Variants in CDH18 observed in about 807,000 individuals in gnomAD.
CDH18 encodes the protein cadherin 18.
A neutral mutation model predicts 67.9 loss-of-function variants in CDH18; 31 were observed. The ratio of observed to expected loss-of-function variants is 0.46; its 90% CI spans 0.34 to 0.62. The LOEUF is 0.62. Among genes scored for constraint, CDH18 ranks in the 20% least tolerant of loss-of-function variants. The pLI, the probability that CDH18 is intolerant of heterozygous loss-of-function variation, is 0.01. For missense variants in CDH18, 890 were observed against 975.5 expected, an observed-to-expected ratio of 0.91 and a Z score of 1.17; for synonymous variants, 362 against 347.2, an observed-to-expected ratio of 1.04 and a Z score of -0.48.
At chr5:19,524,846 C>T (rs991081187) in intron 9 of CDH18, among the ~76,000 whole-genome samples, 9 of 152,020 alleles carry the variant, frequency 5.9e-5, no homozygotes, top group Non-Finnish European at 1.0e-4. Flanking sequence ...CCCGGGTTCA[C>T]GCCATTCTCC....
At chr5:19,736,078 G>C (rs1480373876) in intron 4 of CDH18, among the ~76,000 whole-genome samples, 1 of 152,132 alleles carries the variant, frequency 6.6e-6, no homozygotes, top group Non-Finnish European at 1.5e-5. Flanking sequence ...ATTTAAGTTG[G>C]TATCTCTGAA....
intron 2 of CDH18, among the ~76,000 whole-genome samples, chr5:20,073,416 G>T (rs1258279420): frequency 6.6e-6 from 1 of 151,912 alleles, no homozygotes; most frequent in Non-Finnish European, 1.5e-5. Flanking sequence ...GTGCATTCAA[G>T]TCCAGTAGAA....
intron 11 of CDH18, among the ~76,000 whole-genome samples, chr5:19,485,643 T>G (rs1740277525): frequency 6.6e-6 from 1 of 152,208 alleles, no homozygotes; most frequent in African/African-American, 2.4e-5. Context: ...TCAGTCATGT[T>G]TACTCTCCCA....
At chr5:19,676,830 G>A (rs770118794) in intron 5 of CDH18, among the ~76,000 whole-genome samples, 1 of 152,048 alleles carries the variant, frequency 6.6e-6, no homozygotes, top group African/African-American at 2.4e-5. Flanking sequence ...AGCCTATAGA[G>A]TCCTAGGATC....
At chr5:19,850,404 G>T (rs1424155801) in intron 2 of CDH18, among the ~76,000 whole-genome samples, 3 of 151,766 alleles carry the variant, frequency 2.0e-5, no homozygotes, top group Non-Finnish European at 4.4e-5. Flanking sequence ...AATGTTTAGG[G>T]TAGATGTGAT....
intron 1 of CDH18, among the ~76,000 whole-genome samples, chr5:20,388,935 G>GT (rs928050198): frequency 1.3e-5 from 2 of 152,112 alleles, no homozygotes; most frequent in African/African-American, 4.8e-5. Flanking sequence ...TATAATTTCT[G>GT]TTTTTTCACA....
At chr5:19,744,827 C>T (rs551202584) in intron 4 of CDH18, among the ~76,000 whole-genome samples, 2 of 152,166 alleles carry the variant, frequency 1.3e-5, no homozygotes, top group Non-Finnish European at 2.9e-5. Flanking sequence ...TTATTCACAC[C>T]TAATTTTTAA....
chr5:20,560,468 T>TACACACACACACACACACAC (rs547246325), intron 1 of CDH18, among the ~76,000 whole-genome samples: 3 of 127,606 alleles, frequency 2.4e-5, no homozygotes, highest in Non-Finnish European at 5.0e-5. Flanking sequence ...CCAACACTCA[T>TACACACACACACACACACAC]ACACACACAC....
chr5:19,682,234 G>A (rs926673847), intron 5 of CDH18, among the ~76,000 whole-genome samples: 8 of 152,078 alleles, frequency 5.3e-5, no homozygotes, highest in Non-Finnish European at 1.0e-4. Context: ...GAACACTGGA[G>A]GAGGGAAAAG....
At chr5:19,891,988 C>G (rs888464463) in intron 2 of CDH18, among the ~76,000 whole-genome samples, 1 of 152,134 alleles carries the variant, frequency 6.6e-6, no homozygotes. Flanking sequence ...GGCTGTGTTT[C>G]AAGCTCACTT....
intron 3 of CDH18, among the ~76,000 whole-genome samples, chr5:19,810,286 A>G (rs113378931): frequency 6.6e-6 from 1 of 152,094 alleles, no homozygotes; most frequent in Non-Finnish European, 1.5e-5. Flanking sequence ...ACCCAAGATC[A>G]CACCACTGCA....
chr5:20,501,561 A>ACATAT (rs1754291826), intron 1 of CDH18, among the ~76,000 whole-genome samples: 2 of 31,850 alleles, frequency 6.3e-5, no homozygotes, highest in African/African-American at 1.2e-4. Flanking sequence ...TATATAATAT[A>ACATAT]TATATATAAT....
chr5:20,025,513 A>G (rs1283509084), intron 2 of CDH18, among the ~76,000 whole-genome samples: 1 of 152,196 alleles, frequency 6.6e-6, no homozygotes, highest in African/African-American at 2.4e-5. Flanking sequence ...CATATAAATT[A>G]GCTTCATATA....
chr5:19,795,994 T>C (rs1776813403), intron 3 of CDH18, among the ~76,000 whole-genome samples: 1 of 151,992 alleles, frequency 6.6e-6, no homozygotes, highest in Admixed American at 6.6e-5. Flanking sequence ...GATGACAGAA[T>C]AGAATCAGTT....
At chr5:20,188,106 A>G (rs1220391752) in intron 2 of CDH18, among the ~76,000 whole-genome samples, 1 of 151,960 alleles carries the variant, frequency 6.6e-6, no homozygotes, top group Non-Finnish European at 1.5e-5. Flanking sequence ...TGTTTATAGT[A>G]CTTTATTACA....
chr5:19,496,705 G>C (rs112566426), intron 11 of CDH18, among the ~76,000 whole-genome samples: 3 of 151,724 alleles, frequency 2.0e-5, no homozygotes, highest in African/African-American at 7.3e-5. Flanking sequence ...CCAGATACTC[G>C]GGAGGCTGAG....
At chr5:19,993,390 C>T (rs1312415337) in intron 2 of CDH18, among the ~76,000 whole-genome samples, 1 of 152,088 alleles carries the variant, frequency 6.6e-6, no homozygotes, top group East Asian at 1.9e-4. Context: ...ATTACTATCT[C>T]TGCACTATTA....
In CDH18 at chr5:20,360,861, T is replaced by C. The variant is rs182263355; in HGVS notation, c.-579-105356A>G. On this transcript the variant is annotated intron_variant, in intron 1 of 14. Coordinates refer to the CDH18 transcript ENST00000507958. Reference sequence around the variant, plus strand: ...TCAATTAGGAAGTATACAATGACACTTGCAAAGATATGATTTACCTCCTCA... The same window carrying C: ...TCAATTAGGAAGTATACAATGACACCTGCAAAGATATGATTTACCTCCTCA... Among the ~76,000 whole-genome samples, 119 of 152,232 alleles carry C rather than the reference T, an allele frequency of 7.8e-4. 1 individual carries two copies. Among genetic ancestry groups the C allele is most frequent in the Non-Finnish European group, 1.4e-3 (92 of 67,986 alleles).
chr5:20,191,150 T>C (rs1405043041), intron 2 of CDH18, among the ~76,000 whole-genome samples: 1 of 152,080 alleles, frequency 6.6e-6, no homozygotes, highest in Non-Finnish European at 1.5e-5. Flanking sequence ...TAATCATGGG[T>C]AAAAAGCTGA....
Sources: gnomAD v4.1 joint callset for allele counts (sites outside exome capture counted in the v4.1 genomes callset) on GRCh38, gnomAD v4.1.1 for gene constraint, MANE v1.5 for transcripts, NCBI Gene and HGNC (gene_info 2026-07-23, HGNC 2026-07-21) for gene names.